The following SLC38A6 variants were observed in gnomAD, a reference collection of about 807,000 sequenced individuals.
SLC38A6 encodes the protein N system amino acid transporter NAT-1.
A neutral mutation model predicts 65.0 loss-of-function variants in SLC38A6; 73 were observed. That is an observed-to-expected ratio of 1.12 (90% confidence interval 0.93 to 1.37). SLC38A6 has a LOEUF of 1.37. Ranked by LOEUF, SLC38A6 falls within the 40% of genes most tolerant of loss-of-function variation. The pLI is 0.00. For missense variants in SLC38A6, 561 were observed against 531.1 expected, an observed-to-expected ratio of 1.06 and a Z score of -0.55; for synonymous variants, 183 against 178.8, an observed-to-expected ratio of 1.02 and a Z score of -0.19.
intron 3 of SLC38A6, among the ~76,000 whole-genome samples, chr14:60,997,200 C>CA (rs990182247): frequency 7.9e-5 from 12 of 152,102 alleles, no homozygotes; most frequent in Admixed American, 1.3e-4. Context: ...AATCTTGGCT[C>CA]ACTGCAACCT....
chr14:61,016,217 G>C, intron 4 of SLC38A6, among the ~76,000 whole-genome samples: 1 of 152,146 alleles, frequency 6.6e-6, no homozygotes, highest in South Asian at 2.1e-4. Flanking sequence ...TGACTTGAAT[G>C]ACTTTAAAAG....
intron 8 of SLC38A6, among the ~76,000 whole-genome samples, chr14:61,041,231 C>T (rs770282952): frequency 1.7e-4 from 26 of 152,070 alleles, no homozygotes; most frequent in Non-Finnish European, 3.7e-4. Flanking sequence ...TTAATCTTTC[C>T]TCTCTGTTGT....
At chr14:61,081,361 T>G (rs1438793126) in intron 16 of SLC38A6, among the ~76,000 whole-genome samples, 1 of 105,486 alleles carries the variant, frequency 9.5e-6, no homozygotes, top group African/African-American at 3.0e-5. Flanking sequence ...TCATCACTCA[T>G]AGAAATCCCA....
chr14:61,065,258 A>G (rs1056291731), intron 15 of SLC38A6, among the ~76,000 whole-genome samples: 2 of 152,188 alleles, frequency 1.3e-5, no homozygotes, highest in African/African-American at 4.8e-5. Flanking sequence ...GTAGCACGTT[A>G]CTGGATCAAC....
intron 16 of SLC38A6, among the ~76,000 whole-genome samples, chr14:61,081,539 G>T (rs562762106): frequency 1.1e-4 from 17 of 152,170 alleles, no homozygotes; most frequent in Admixed American, 5.2e-4. Flanking sequence ...ACAAAAATTA[G>T]CTAGGCGTAG....
At chr14:61,026,878 G>A (rs2040639992) in intron 5 of SLC38A6, among the ~76,000 whole-genome samples, 1 of 152,016 alleles carries the variant, frequency 6.6e-6, no homozygotes, top group African/African-American at 2.4e-5. Context: ...CATACAGTAG[G>A]CATCTAAAAA....
chr14:61,073,542 T>C (rs2043299675), intron 15 of SLC38A6, among the ~76,000 whole-genome samples: 1 of 152,192 alleles, frequency 6.6e-6, no homozygotes, highest in South Asian at 2.1e-4. Context: ...CAACTAATCC[T>C]TGGATCTATT....
At chr14:61,061,453 T>C (rs2042838519) in intron 15 of SLC38A6, among the ~76,000 whole-genome samples, 1 of 152,198 alleles carries the variant, frequency 6.6e-6, no homozygotes, top group East Asian at 1.9e-4. Context: ...CCTCATAGAA[T>C]GAGTTAAGAG....
chr14:61,046,103 A>G lies in SLC38A6; in HGVS notation c.861A>G (p.Thr287=). The G allele has an allele frequency of 6.2e-7, 1 of 1,610,818 alleles. No homozygotes were observed. The highest frequency in any genetic ancestry group is 8.5e-7 in the Non-Finnish European group (1 of 1,177,548). ...SKKRMQNVTN[T]AIALSFLIYF... is the part of the protein sequence containing the mutation. ...AAAGAATGCAGAATGTTACCAATAC[A>G]GCAATTGCTTTAAGTTTTCTCATTT... The change falls in exon 12 of 16, where the codon ACA becomes ACG. Residue 287 remains threonine (T), a synonymous_variant. Transcript: ENST00000267488.
intron 3 of SLC38A6, chr14:60,987,128 C>T: frequency 2.9e-6 from 1 of 342,916 alleles, no homozygotes; most frequent in Non-Finnish European, 5.5e-6. Flanking sequence ...TGATTGAATT[C>T]CTTCAATCTT....
rs544302387 is a variant in SLC38A6 at position 61,004,800 on chromosome 14, C to A, written c.311-11104C>A. 1.7e-3 allele frequency among the ~76,000 whole-genome samples: 258 copies of A among 152,260 alleles called. 1 individual carries two copies. Among genetic ancestry groups the A allele is most frequent in the African/African-American group, 5.5e-3 (227 of 41,540 alleles). On this transcript the variant is annotated intron_variant, in intron 3 of 15. Transcript: ENST00000267488. ...CCGTTCCTTCTGAAACTATTCCAAT[C>A]AATAGAAAAAGAGGGAATCCTCCCT...
chr14:61,045,256 T>G, intron 10 of SLC38A6, 90 bp from the exon 11 acceptor site: 1 of 815,238 alleles, frequency 1.2e-6, no homozygotes, highest in Non-Finnish European at 2.0e-6. Context: ...ATCAAATTGA[T>G]TTTTTAAAGA....
chr14:60,984,675 C>T, intron 2 of SLC38A6, 55 bp from the exon 3 acceptor site: 1 of 1,481,332 alleles, frequency 6.8e-7, no homozygotes, highest in Non-Finnish European at 9.4e-7. Flanking sequence ...AATGAGACAC[C>T]ATACAAAAGA....
intron 3 of SLC38A6, chr14:60,986,943 ATTTAAC>A (rs1186028483): frequency 8.1e-6 from 2 of 248,330 alleles, no homozygotes; most frequent in Admixed American, 5.7e-5. Context: ...GTTCACATGT[ATTTAAC>A]TTTAAGATTC....
chr14:61,048,651 C>T (rs1594745233), intron 12 of SLC38A6, among the ~76,000 whole-genome samples: 1 of 152,210 alleles, frequency 6.6e-6, no homozygotes, highest in East Asian at 1.9e-4. Flanking sequence ...TGCTTTGGAT[C>T]CTTTTATCCA....
At chr14:61,052,284 A>G (rs1381574315) in intron 15 of SLC38A6, 65 bp from the exon 16 acceptor site, 5 of 1,387,108 alleles carry the variant, frequency 3.6e-6, no homozygotes, top group Non-Finnish European at 4.9e-6. Flanking sequence ...AAATAATCCA[A>G]TTGTATTTTT....
At chr14:61,025,367 T>C (rs1036394730) in intron 5 of SLC38A6, among the ~76,000 whole-genome samples, 7 of 152,170 alleles carry the variant, frequency 4.6e-5, no homozygotes, top group Admixed American at 4.6e-4. Context: ...GTTTCAGATA[T>C]ACTAGTTTGT....
intron 3 of SLC38A6, among the ~76,000 whole-genome samples, chr14:61,004,864 G>T (rs1000008085): frequency 5.9e-5 from 9 of 152,066 alleles, no homozygotes; most frequent in Non-Finnish European, 1.2e-4. Context: ...TGATACCAAA[G>T]CCAGGCAGAG....
At chr14:60,993,324 C>T (rs761414243) in intron 3 of SLC38A6, among the ~76,000 whole-genome samples, 7 of 152,126 alleles carry the variant, frequency 4.6e-5, no homozygotes, top group Admixed American at 2.6e-4. Context: ...GTTAGAAGAG[C>T]TAATATTCGA....
Sources: allele counts gnomAD v4.1 joint callset (sites outside exome capture counted in the v4.1 genomes callset), GRCh38; gene constraint gnomAD v4.1.1; transcripts MANE v1.5; gene names NCBI Gene and HGNC (gene_info 2026-07-23, HGNC 2026-07-21).